STXBP3: variants seen among roughly 807,000 people sequenced by gnomAD.
STXBP3 encodes syntaxin-binding protein 3.
A neutral mutation model predicts 85.7 loss-of-function variants in STXBP3; 41 were observed. The ratio of observed to expected loss-of-function variants is 0.48; its 90% confidence interval spans 0.37 to 0.62. STXBP3 has a LOEUF of 0.62. Among genes scored for constraint, STXBP3 ranks in the 20% least tolerant of loss-of-function variants. The pLI is 0.00. For missense variants in STXBP3, 563 were observed against 703.1 expected (o/e 0.80, Z 2.25); for synonymous variants, 229 against 231.7 (o/e 0.99, Z 0.10).
intron 3 of STXBP3, among the ~76,000 whole-genome samples, chr1:108,754,199 A>C (rs1378708832): frequency 6.6e-6 from 1 of 151,844 alleles, no homozygotes; most frequent in African/African-American, 2.4e-5. Context: ...CACCCAGCTA[A>C]TTTGTATATT....
chr1:108,804,566 A>G (rs1053056229), intron 17 of STXBP3, among the ~76,000 whole-genome samples: 3 of 152,108 alleles, frequency 2.0e-5, no homozygotes, highest in Non-Finnish European at 2.9e-5. Context: ...GTGTCTTGTA[A>G]TTTTGAATGC....
rs1425752431 is a variant in STXBP3 at position 108,796,384 on chromosome 1, A to C, written c.1249+12A>C. The C allele has an allele frequency of 1.4e-6, 2 of 1,454,616 alleles. No homozygotes were observed. The highest frequency in any genetic ancestry group is 1.9e-6 in the Non-Finnish European group (2 of 1,050,640). 90.1% of individuals were successfully genotyped at this position (1,454,616 alleles called of 1,614,324 possible). On this transcript the variant is annotated intron_variant, in intron 14 of 18. Transcript: ENST00000370008. ...CTTCAGTATTAATGGTAATGGAGATAATCACTTTTTAATAAGTATTTTACT... is the reference window on the plus strand; with the variant it reads ...CTTCAGTATTAATGGTAATGGAGATCATCACTTTTTAATAAGTATTTTACT...
At chr1:108,752,118 T>G (rs1453261597) in intron 1 of STXBP3, 139 bp from the exon 2 acceptor site, 6 of 703,160 alleles carry the variant, frequency 8.5e-6, no homozygotes, top group Admixed American at 3.0e-5. Context: ...GATTTTTCCG[T>G]AAGGTTTAAC....
chr1:108,752,878 C>T (rs116319094), intron 2 of STXBP3, among the ~76,000 whole-genome samples, 185 bp from the exon 3 acceptor site: 374 of 152,108 alleles, frequency 2.5e-3, no homozygotes, highest in African/African-American at 6.0e-3. Flanking sequence ...TACTTATGTA[C>T]GATACTATAT....
intron 6 of STXBP3, 92 bp downstream of exon 6, chr1:108,760,177 T>A (rs1662106931): frequency 2.9e-6 from 2 of 685,002 alleles, no homozygotes; most frequent in East Asian, 6.2e-5. Context: ...AGATATTTTT[T>A]ATATGTATTT....
intron 8 of STXBP3, among the ~76,000 whole-genome samples, chr1:108,776,721 A>G (rs1662600058): frequency 6.6e-6 from 1 of 152,168 alleles, no homozygotes; most frequent in Non-Finnish European, 1.5e-5. Context: ...CTATGTAACT[A>G]CATTTTCTTT....
chr1:108,797,161 C>T (rs1169178779), intron 15 of STXBP3, among the ~76,000 whole-genome samples: 1 of 151,808 alleles, frequency 6.6e-6, no homozygotes, highest in African/African-American at 2.4e-5. Flanking sequence ...TCGAGACCAG[C>T]CTGGGCATCA....
chr1:108,808,792 A>G lies in STXBP3; in HGVS notation c.1694A>G (p.His565Arg). 1.2e-6 allele frequency: 2 copies of G among 1,612,490 alleles called. No individual in the cohort carries two copies. The highest frequency in any genetic ancestry group is 8.5e-7 in the Non-Finnish European group (1 of 1,179,394). Reference sequence around the variant, plus strand: ...TCTTTTCTCCTACCAGGTTCTACACATGTTTTAACACCCAAAAAGCTGTTG... The same window carrying G: ...TCTTTTCTCCTACCAGGTTCTACACGTGTTTTAACACCCAAAAAGCTGTTG... Reference protein sequence around the residue: ...KSCEVIIGSTHVLTPKKLLDD... With the variant: ...KSCEVIIGSTRVLTPKKLLDD... The change falls in exon 19 of 19, where the codon CAT (histidine) becomes CGT (arginine). Residue 565 changes from histidine (H) to arginine (R), a missense_variant. Physicochemically the swap from His to Arg is conservative, Grantham distance 29. Coordinates refer to ENST00000370008, the MANE Select transcript of STXBP3 (RefSeq NM_007269.4).
chr1:108,775,411 CCTTT>C (rs1269481325), intron 7 of STXBP3, among the ~76,000 whole-genome samples: 2 of 152,028 alleles, frequency 1.3e-5, no homozygotes, highest in Non-Finnish European at 2.9e-5. Flanking sequence ...AAGCATTTAT[CCTTT>C]CTTTGTGATA....
intron 11 of STXBP3, among the ~76,000 whole-genome samples, chr1:108,786,506 T>C (rs1662831584): frequency 6.6e-6 from 1 of 152,236 alleles, no homozygotes; most frequent in Non-Finnish European, 1.5e-5. Flanking sequence ...TATTTCGATA[T>C]ACATATCTGA....
chr1:108,778,890 ATC>A, intron 8 of STXBP3, among the ~76,000 whole-genome samples: 1 of 152,102 alleles, frequency 6.6e-6, no homozygotes, highest in Non-Finnish European at 1.5e-5. Context: ...GAACCTACAT[ATC>A]TGGAAAGTCA....
intron 11 of STXBP3, among the ~76,000 whole-genome samples, chr1:108,785,707 T>C (rs1472294673): frequency 2.0e-5 from 3 of 152,190 alleles, no homozygotes; most frequent in African/African-American, 7.2e-5. Flanking sequence ...CTGTCACCTC[T>C]TGAATAAATG....
intron 11 of STXBP3, among the ~76,000 whole-genome samples, chr1:108,792,174 A>C (rs1430771340): frequency 6.6e-6 from 1 of 152,200 alleles, no homozygotes; most frequent in African/African-American, 2.4e-5. Context: ...ATTTAACTCT[A>C]GGACATTCAT....
chr1:108,805,936 A>T (rs759790616), intron 17 of STXBP3, among the ~76,000 whole-genome samples: 1 of 152,212 alleles, frequency 6.6e-6, no homozygotes, highest in African/African-American at 2.4e-5. Context: ...ATGAGATCCT[A>T]TACTGCAAGG....
intron 11 of STXBP3, among the ~76,000 whole-genome samples, chr1:108,784,473 C>T (rs903324707): frequency 3.9e-5 from 6 of 152,144 alleles, no homozygotes; most frequent in African/African-American, 7.2e-5. Flanking sequence ...TGGGGCAAAC[C>T]GCCCCCATGA....
Position 108,771,754 on chromosome 1 carries a change from ATATC to A in STXBP3, c.439-903_439-900del, listed in dbSNP as rs372213842. Among the ~76,000 whole-genome samples, 22 of 27,610 alleles carry A rather than the reference ATATC, an allele frequency of 8.0e-4. 3 individuals are homozygous for A. In the East Asian group the frequency reaches 8.3e-3, roughly 10 times the overall value. The allele number at this position is 27,610 out of a possible 152,430, so 18.1% of individuals were successfully genotyped here. ...TATATATCATATATAAATATATATG[ATATC>A]TATCTATATATCATATATAAATATA... On this transcript the variant is annotated intron_variant, in intron 6 of 18. Coordinates refer to ENST00000370008, the MANE Select transcript of STXBP3 (RefSeq NM_007269.4).
intron 17 of STXBP3, among the ~76,000 whole-genome samples, chr1:108,800,961 TA>T (rs905978665): frequency 5.9e-5 from 9 of 152,208 alleles, no homozygotes; most frequent in African/African-American, 2.2e-4. Flanking sequence ...TTTCAGGCAT[TA>T]TTTTTTTCAA....
intron 7 of STXBP3, 32 bp from the exon 8 acceptor site, chr1:108,776,301 G>T (rs1244373048): frequency 6.8e-7 from 1 of 1,477,080 alleles, no homozygotes; most frequent in South Asian, 1.2e-5. Context: ...CTGAAAGAAA[G>T]ATAATTGTTT....
rs760246249 is a variant in STXBP3, at chr1:108,796,285, C to T, written c.1162C>T (p.Arg388Ter). Residue 388 changes from arginine (R) to a stop codon, truncating the protein, a stop_gained, in exon 14 of 19, where the codon CGA becomes TGA. Transcript: ENST00000370008. LOFTEE classifies it high-confidence loss of function. Reference sequence around the variant, plus strand: ...AGGACAGAAGGTGAAAGATTCCATGCGAGTACTCCTTCCAGTTCTACTCAA... The same window carrying T: ...AGGACAGAAGGTGAAAGATTCCATGTGAGTACTCCTTCCAGTTCTACTCAA... ...AEGQKVKDSM[R>*]VLLPVLLNKN... 13 of 1,613,310 alleles carry T rather than the reference C, an allele frequency of 8.1e-6. No individual in the cohort carries two copies. Among genetic ancestry groups the T allele is most frequent in the African/African-American group, 2.7e-5 (2 of 74,898 alleles).
Sources: gnomAD v4.1 joint callset for allele counts (sites outside exome capture counted in the v4.1 genomes callset) on GRCh38, gnomAD v4.1.1 for gene constraint, MANE v1.5 for transcripts, NCBI Gene and HGNC (gene_info 2026-07-23, HGNC 2026-07-21) for gene names.